The following CDKAL1 variants were observed in gnomAD, a reference collection of about 807,000 sequenced individuals.
CDKAL1 encodes threonylcarbamoyladenosine tRNA methylthiotransferase.
In CDKAL1, 32 loss-of-function variants were observed where a neutral mutation model predicts 68.2. The ratio of observed to expected loss-of-function variants is 0.47; its 90% CI spans 0.35 to 0.63. CDKAL1 has a LOEUF of 0.63. Ranked by LOEUF, CDKAL1 falls within the 30% of genes least tolerant of loss-of-function variation. CDKAL1 has a pLI of 0.00. For missense variants in CDKAL1, 606 were observed against 696.7 expected, an observed-to-expected ratio of 0.87 and a Z score of 1.47; for synonymous variants, 234 against 244.3, an observed-to-expected ratio of 0.96 and a Z score of 0.39.
At chr6:20,997,590 A>T (rs1319457509) in intron 10 of CDKAL1, among the ~76,000 whole-genome samples, 1 of 152,214 alleles carries the variant, frequency 6.6e-6, no homozygotes, top group Non-Finnish European at 1.5e-5. Flanking sequence ...TGCTATTAAC[A>T]TTTTAATTTG....
intron 8 of CDKAL1, among the ~76,000 whole-genome samples, chr6:20,824,698 C>T (rs1476488110): frequency 1.3e-5 from 2 of 152,274 alleles, no homozygotes; most frequent in East Asian, 3.9e-4. Context: ...ACATCTGTCA[C>T]TTTTACCATA....
At chr6:20,859,888 A>G (rs1759523040) in intron 9 of CDKAL1, among the ~76,000 whole-genome samples, 1 of 152,178 alleles carries the variant, frequency 6.6e-6, no homozygotes, top group Admixed American at 6.5e-5. Flanking sequence ...CCTTGAATAT[A>G]GCAATTTCCT....
rs867019787 is a variant in CDKAL1, at chr6:21,174,194, A to C, written c.1300-23827A>C. Among the ~76,000 whole-genome samples, 10 of 152,388 alleles carry C rather than the reference A, an allele frequency of 6.6e-5. No homozygotes were observed. The Middle Eastern group carries it at 0.01, about 155-fold the overall frequency. ...AGCAAATACACCTGGAAATAAATCT[A>C]ACAAAAAATAAATGTTGTAAGACCT... On this transcript the variant is annotated intron_variant, in intron 13 of 15. Coordinates refer to ENST00000274695, the MANE Select transcript of CDKAL1 (RefSeq NM_017774.3).
At chr6:20,781,997 C>A (rs1775452539) in intron 8 of CDKAL1, among the ~76,000 whole-genome samples, 1 of 152,182 alleles carries the variant, frequency 6.6e-6, no homozygotes, top group Non-Finnish European at 1.5e-5. Flanking sequence ...TTACTTCATC[C>A]TCCTTCCCTT....
chr6:20,680,425 C>G (rs1770323401), intron 5 of CDKAL1, among the ~76,000 whole-genome samples: 1 of 152,106 alleles, frequency 6.6e-6, no homozygotes, highest in African/African-American at 2.4e-5. Context: ...TGTTTTTAAA[C>G]ATATGACATT....
intron 13 of CDKAL1, among the ~76,000 whole-genome samples, chr6:21,188,802 T>C (rs1306656007): frequency 6.6e-6 from 1 of 152,052 alleles, no homozygotes; most frequent in African/African-American, 2.4e-5. Flanking sequence ...ATGTTATATG[T>C]TCTTACCACA....
intron 13 of CDKAL1, among the ~76,000 whole-genome samples, chr6:21,112,857 A>G (rs190768832): frequency 6.6e-6 from 1 of 152,330 alleles, no homozygotes; most frequent in African/African-American, 2.4e-5. Flanking sequence ...TGTTAAAATT[A>G]TTGTGTAATT....
At chr6:20,809,242 G>T (rs1032260150) in intron 8 of CDKAL1, among the ~76,000 whole-genome samples, 1 of 152,160 alleles carries the variant, frequency 6.6e-6, no homozygotes, top group Admixed American at 6.5e-5. Flanking sequence ...CACTCACAGG[G>T]CCATTCCTTC....
intron 5 of CDKAL1, among the ~76,000 whole-genome samples, chr6:20,727,344 A>G (rs1032576435): frequency 6.6e-6 from 1 of 152,204 alleles, no homozygotes; most frequent in East Asian, 1.9e-4. Context: ...AAAAACATAC[A>G]TATAACTACA....
intron 12 of CDKAL1, among the ~76,000 whole-genome samples, chr6:21,089,036 T>C (rs1481975687): frequency 6.6e-6 from 1 of 152,252 alleles, no homozygotes; most frequent in East Asian, 1.9e-4. Flanking sequence ...TATGCAACTT[T>C]ACAGTATATT....
intron 13 of CDKAL1, among the ~76,000 whole-genome samples, chr6:21,129,438 G>A (rs907759045): frequency 3.9e-5 from 6 of 151,988 alleles, no homozygotes; most frequent in Non-Finnish European, 8.8e-5. Flanking sequence ...AGAACTGAAA[G>A]TCTCCAACCT....
chr6:20,780,670 CTTTTTTTTTTTTT>C (rs1223553462), intron 7 of CDKAL1, among the ~76,000 whole-genome samples: 1 of 38,180 alleles, frequency 2.6e-5, no homozygotes, highest in African/African-American at 7.6e-5. Flanking sequence ...ATTTCTTTTT[CTTTTTTTTTTTTT>C]TTTTTTTTGA....
chr6:20,888,460 A>G (rs1251410299), intron 9 of CDKAL1, among the ~76,000 whole-genome samples: 1 of 146,268 alleles, frequency 6.8e-6, no homozygotes, highest in African/African-American at 2.5e-5. Flanking sequence ...ATGTTGGTGT[A>G]CTGAACCCAT....
intron 4 of CDKAL1, among the ~76,000 whole-genome samples, chr6:20,560,934 A>C (rs1764240595): frequency 6.6e-6 from 1 of 152,220 alleles, no homozygotes; most frequent in South Asian, 2.1e-4. Flanking sequence ...ACCTAATCTA[A>C]TCATTTTAGA....
intron 4 of CDKAL1, among the ~76,000 whole-genome samples, chr6:20,555,549 T>C (rs1764001774): frequency 6.6e-6 from 1 of 151,042 alleles, no homozygotes; most frequent in Non-Finnish European, 1.5e-5. Flanking sequence ...TCAAACTCCT[T>C]ACCTAGTGAT....
At chr6:20,637,696 G>A (rs1189003182) in intron 4 of CDKAL1, among the ~76,000 whole-genome samples, 1 of 152,136 alleles carries the variant, frequency 6.6e-6, no homozygotes. Flanking sequence ...AGTCATACAA[G>A]GAAAAGTTTT....
intron 9 of CDKAL1, among the ~76,000 whole-genome samples, chr6:20,949,758 A>G (rs545646104): frequency 2.6e-5 from 4 of 152,246 alleles, no homozygotes; most frequent in Non-Finnish European, 5.9e-5. Flanking sequence ...GGAGAAGAGC[A>G]TGTAAATTAT....
chr6:20,984,423 G>A (rs1016916607), intron 10 of CDKAL1, among the ~76,000 whole-genome samples: 1 of 152,114 alleles, frequency 6.6e-6, no homozygotes, highest in African/African-American at 2.4e-5. Context: ...GGAGGTGCCC[G>A]AGACCCCTGA....
chr6:21,220,977 G>A (rs746901353), intron 15 of CDKAL1, among the ~76,000 whole-genome samples: 7 of 152,052 alleles, frequency 4.6e-5, no homozygotes, highest in Non-Finnish European at 8.8e-5. Context: ...GACCAGCCCA[G>A]ACAACATGGT....
Sources: gnomAD v4.1 joint callset for allele counts (sites outside exome capture counted in the v4.1 genomes callset) on GRCh38, gnomAD v4.1.1 for gene constraint, MANE v1.5 for transcripts, NCBI Gene and HGNC (gene_info 2026-07-23, HGNC 2026-07-21) for gene names.